Variants in OXR1 observed in about 807,000 individuals in gnomAD.
OXR1 encodes oxidation resistance protein 1.
Under a neutral mutation model 104.6 loss-of-function variants are expected in OXR1, and 41 were observed. That is an observed-to-expected ratio of 0.39 (90% confidence interval 0.31 to 0.51). The LOEUF is 0.51. Among genes scored for constraint, OXR1 ranks in the 20% least tolerant of loss-of-function variants. The probability of loss-of-function intolerance (pLI) is 0.77; values close to 1 mark genes in which losing one functional copy is unlikely to be tolerated. For synonymous variants in OXR1, 348 were observed against 348.4 expected (o/e 1.00, Z 0.01); for missense variants, 955 against 1,031.9 (o/e 0.93, Z 1.02).
intron 2 of OXR1, among the ~76,000 whole-genome samples, chr8:106,472,440 A>C (rs1381548087): frequency 1.3e-5 from 2 of 151,820 alleles, no homozygotes; most frequent in East Asian, 3.9e-4. Context: ...AGGAAATACA[A>C]GGAAATATAT....
chr8:106,708,495 A>C (rs895500090), intron 9 of OXR1, among the ~76,000 whole-genome samples: 4 of 151,952 alleles, frequency 2.6e-5, no homozygotes, highest in African/African-American at 9.7e-5. Flanking sequence ...GAATTTAACT[A>C]CTCTAGATAC....
chr8:106,691,773 T>A (rs925088641), intron 6 of OXR1, among the ~76,000 whole-genome samples: 1 of 151,228 alleles, frequency 6.6e-6, no homozygotes, highest in Non-Finnish European at 1.5e-5. Flanking sequence ...CTGCATCAGC[T>A]ATTTTTTTCT....
chr8:106,621,848 T>C (rs1392219434), intron 3 of OXR1, among the ~76,000 whole-genome samples: 2 of 152,176 alleles, frequency 1.3e-5, no homozygotes, highest in African/African-American at 4.8e-5. Flanking sequence ...ATCACTTTAT[T>C]TCCAAAGACC....
At chr8:106,309,729 C>T (rs917163090) in intron 1 of OXR1, among the ~76,000 whole-genome samples, 1 of 150,228 alleles carries the variant, frequency 6.7e-6, no homozygotes, top group Admixed American at 6.6e-5. Flanking sequence ...TTGGACAAAC[C>T]AATAGCTTTG....
intron 1 of OXR1, among the ~76,000 whole-genome samples, chr8:106,296,182 G>C (rs983181783): frequency 6.6e-6 from 1 of 152,068 alleles, no homozygotes; most frequent in Non-Finnish European, 1.5e-5. Flanking sequence ...AACTTGCACT[G>C]TACTCCCAGT....
chr8:106,590,984 G>T (rs1303245951), intron 3 of OXR1, among the ~76,000 whole-genome samples: 3 of 152,042 alleles, frequency 2.0e-5, no homozygotes, highest in Non-Finnish European at 4.4e-5. Context: ...TACATAGTTA[G>T]ATAAGCTTGC....
chr8:106,720,147 C>T (rs1563744615), intron 11 of OXR1, among the ~76,000 whole-genome samples: 1 of 152,114 alleles, frequency 6.6e-6, no homozygotes, highest in Admixed American at 6.6e-5. Context: ...GGCTAAAATT[C>T]TCTTAGTGGT....
At chr8:106,577,737 T>C (rs1299598413) in intron 3 of OXR1, among the ~76,000 whole-genome samples, 1 of 152,118 alleles carries the variant, frequency 6.6e-6, no homozygotes, top group African/African-American at 2.4e-5. Context: ...GCTGAGTTCC[T>C]GCAACCCAAG....
chr8:106,524,920 C>G (rs1813542472), intron 3 of OXR1, among the ~76,000 whole-genome samples: 1 of 152,156 alleles, frequency 6.6e-6, no homozygotes, highest in South Asian at 2.1e-4. Context: ...CCTCACCATC[C>G]TCCTCTGTTT....
chr8:106,698,175 C>T (rs1361937241), intron 7 of OXR1, among the ~76,000 whole-genome samples: 1 of 152,208 alleles, frequency 6.6e-6, no homozygotes, highest in Non-Finnish European at 1.5e-5. Flanking sequence ...ACAGAATTTT[C>T]AGTTGATGAG....
intron 2 of OXR1, among the ~76,000 whole-genome samples, chr8:106,495,210 C>A (rs954058041): frequency 6.6e-6 from 1 of 151,900 alleles, no homozygotes; most frequent in African/African-American, 2.4e-5. Context: ...TTTGAGGAAT[C>A]TATTATCAAC....
At chr8:106,428,218 C>T (rs1009358365) in intron 2 of OXR1, among the ~76,000 whole-genome samples, 2 of 152,146 alleles carry the variant, frequency 1.3e-5, no homozygotes, top group African/African-American at 4.8e-5. Context: ...CATGTTCTTC[C>T]TCAGCATCCC....
intron 1 of OXR1, among the ~76,000 whole-genome samples, chr8:106,277,164 A>G (rs1021343601): frequency 3.3e-5 from 5 of 152,222 alleles, no homozygotes; most frequent in East Asian, 1.9e-4. Context: ...CATATGATCA[A>G]TTGGAATAAT....
chr8:106,681,135 G>A (rs1828105183), intron 4 of OXR1, among the ~76,000 whole-genome samples: 1 of 152,112 alleles, frequency 6.6e-6, no homozygotes, highest in Admixed American at 6.5e-5. Context: ...GATGCCACTT[G>A]GGCTGTTTTG....
At chr8:106,380,980 A>G (rs1040677880) in intron 2 of OXR1, among the ~76,000 whole-genome samples, 11 of 152,166 alleles carry the variant, frequency 7.2e-5, no homozygotes, top group Non-Finnish European at 7.3e-5. Context: ...TTCTCAATGA[A>G]ACACAGGGTA....
chr8:106,388,482 G>A (rs965470022), intron 2 of OXR1, among the ~76,000 whole-genome samples: 3 of 151,724 alleles, frequency 2.0e-5, no homozygotes, highest in East Asian at 1.9e-4. Context: ...GAGTGCAATG[G>A]CATGATCTCT....
At chr8:106,694,025 C>T (rs1829574817) in intron 7 of OXR1, among the ~76,000 whole-genome samples, 1 of 151,908 alleles carries the variant, frequency 6.6e-6, no homozygotes. Flanking sequence ...AATATTTTCT[C>T]TTGATTTCTT....
rs183606168 is a variant in OXR1 at position 106,333,886 on chromosome 8, G to C, written c.-138-25590G>C. On this transcript the variant is annotated intron_variant, in intron 1 of 16. Coordinates refer to ENST00000517566, the MANE Select transcript of OXR1 (RefSeq NM_001198533.2). ...AACTTTGTAGTAAATTTTGAAATCA[G>C]TAAGATTAAGTCCTACCAACTTTTG... 5.3e-5 allele frequency among the ~76,000 whole-genome samples: 8 copies of C among 152,198 alleles called. No individual in the cohort carries two copies. The East Asian group carries it at 1.5e-3, about 29-fold the overall frequency.
intron 2 of OXR1, among the ~76,000 whole-genome samples, chr8:106,433,376 C>T (rs1819440671): frequency 6.6e-6 from 1 of 152,110 alleles, no homozygotes; most frequent in Admixed American, 6.6e-5. Flanking sequence ...TGATGTTACC[C>T]CCAGGAGCAA....
Sources: allele counts gnomAD v4.1 joint callset (sites outside exome capture counted in the v4.1 genomes callset), GRCh38; gene constraint gnomAD v4.1.1; transcripts MANE v1.5; gene names NCBI Gene and HGNC (gene_info 2026-07-23, HGNC 2026-07-21).